The following PLD1 variants were observed in gnomAD, a reference collection of about 807,000 sequenced individuals.
The protein encoded by PLD1 is choline phosphatase 1.
In PLD1, 112 loss-of-function variants were observed where a neutral mutation model predicts 137.1. The observed-to-expected ratio is 0.82, with a 90% CI of 0.70 to 0.96. The LOEUF is 0.96. Ranked by LOEUF, PLD1 falls within the 40% of genes least tolerant of loss-of-function variation. The pLI is 0.00. For synonymous variants in PLD1, 431 were observed against 454.7 expected (o/e 0.95, Z 0.66); for missense variants, 1,321 against 1,342.0 (o/e 0.98, Z 0.24).
intron 1 of PLD1, among the ~76,000 whole-genome samples, chr3:171,760,698 C>T (rs1721332667): frequency 6.6e-6 from 1 of 152,184 alleles, no homozygotes; most frequent in African/African-American, 2.4e-5. Context: ...ACCAAGGGAG[C>T]ACCTGGCAGG....
At chr3:171,688,120 T>G (rs1714762559) in intron 14 of PLD1, among the ~76,000 whole-genome samples, 1 of 152,214 alleles carries the variant, frequency 6.6e-6, no homozygotes, top group Non-Finnish European at 1.5e-5. Context: ...GTATTCATAT[T>G]CTGGCAGCCA....
chr3:171,736,355 A>G (rs1390214432), intron 3 of PLD1, among the ~76,000 whole-genome samples: 4 of 152,226 alleles, frequency 2.6e-5, no homozygotes, highest in Non-Finnish European at 5.9e-5. Flanking sequence ...CACTCATTCA[A>G]GATCACAAGG....
At chr3:171,736,154 C>T (rs1242199540) in intron 3 of PLD1, among the ~76,000 whole-genome samples, 1 of 152,140 alleles carries the variant, frequency 6.6e-6, no homozygotes, top group Non-Finnish European at 1.5e-5. Flanking sequence ...ATACCACCCA[C>T]CCACCCTAAG....
At chr3:171,629,585 AGGC>A (rs1734474852) in intron 23 of PLD1, among the ~76,000 whole-genome samples, 1 of 152,208 alleles carries the variant, frequency 6.6e-6, no homozygotes, top group Non-Finnish European at 1.5e-5. Flanking sequence ...ACAAAGCTGG[AGGC>A]ATCATGCTAC....
chr3:171,739,272 A>G (rs1719601323), intron 1 of PLD1, among the ~76,000 whole-genome samples: 1 of 152,216 alleles, frequency 6.6e-6, no homozygotes, highest in African/African-American at 2.4e-5. Context: ...AGAAAGTCTC[A>G]GGCAAACTTA....
rs535962721 is a variant in PLD1, at chr3:171,773,999, C to A, written c.-31-35917G>T. 1.7e-3 allele frequency among the ~76,000 whole-genome samples: 255 copies of A among 152,286 alleles called. 1 individual carries two copies. Among genetic ancestry groups the A allele is most frequent in the African/African-American group, 5.9e-3 (247 of 41,566 alleles). ...TCCTGACCTCATGATCCGCCCGCCT[C>A]GGCCTCCCAAAGTGCTGGGATTACA... On this transcript the variant is annotated intron_variant, in intron 1 of 26. Transcript: ENST00000351298.
At chr3:171,617,817 A>C (rs907994915) in intron 24 of PLD1, among the ~76,000 whole-genome samples, 1 of 152,174 alleles carries the variant, frequency 6.6e-6, no homozygotes, top group African/African-American at 2.4e-5. Flanking sequence ...TATGTCAGCT[A>C]TTCAATCATT....
rs1165626397 is a variant in PLD1, at chr3:171,688,709, C to G, written c.1506G>C (p.Arg502=). The change falls in exon 14 of 27, where the codon CGG becomes CGC. Residue 502 remains arginine (R), a synonymous_variant. Coordinates refer to ENST00000351298, the MANE Select transcript of PLD1 (RefSeq NM_002662.5). Reference sequence around the variant, plus strand: ...AACCCAGAGACGGTCCTGAAGTGACCCGCTTCACACTGCCCACGTCTGTGA... The same window carrying G: ...AACCCAGAGACGGTCCTGAAGTGACGCGCTTCACACTGCCCACGTCTGTGA... ...HRLTDVGSVK[R]VTSGPSLGSL... is the part of the protein sequence containing the mutation. The G allele has an allele frequency of 6.2e-7, 1 of 1,614,098 alleles. No homozygotes were observed. The highest frequency in any genetic ancestry group is 1.1e-5 in the South Asian group (1 of 91,090).
chr3:171,731,720 C>T (rs1482597033), intron 6 of PLD1, among the ~76,000 whole-genome samples: 1 of 151,542 alleles, frequency 6.6e-6, no homozygotes, highest in African/African-American at 2.4e-5. Context: ...TGCAGTGAGC[C>T]GAGATCATGC....
chr3:171,718,581 G>A (rs1717851347), intron 8 of PLD1, among the ~76,000 whole-genome samples: 1 of 152,152 alleles, frequency 6.6e-6, no homozygotes, highest in South Asian at 2.1e-4. Flanking sequence ...ACAAGATTTT[G>A]CTTTCTTTCT....
At position 171,764,934 on chromosome 3, in the gene PLD1, GA is replaced by G. The variant is rs1560289306; in HGVS notation, c.-31-26853del. On this transcript the variant is annotated intron_variant, in intron 1 of 26. Transcript: ENST00000351298. ...AAGGAAAGAAAGAAAGGAAAGAAAG[GA>G]AAGAAAGAAAGAAAGAAAGAAAGAA... 5.2e-3 allele frequency among the ~76,000 whole-genome samples: 32 copies of G among 6,210 alleles called. 2 individuals carry two copies. Among genetic ancestry groups the G allele is most frequent in the Admixed American group, 0.012 (5 of 414 alleles). 4.1% of individuals were successfully genotyped at this position (6,210 alleles called of 152,430 possible).
At chr3:171,692,552 A>C in intron 12 of PLD1, 110 bp from the exon 13 acceptor site, 2 of 627,278 alleles carry the variant, frequency 3.2e-6, no homozygotes, top group Admixed American at 2.7e-5. Context: ...TCAGAGTCTC[A>C]CTCTGTCACC....
chr3:171,771,058 T>TA (rs1209519672), intron 1 of PLD1: 9 of 152,196 alleles, frequency 5.9e-5, no homozygotes, highest in African/African-American at 1.9e-4. Context: ...CATAACCCCC[T>TA]AAACCTCTGC....
At chr3:171,761,790 A>T (rs2108308517) in intron 1 of PLD1, among the ~76,000 whole-genome samples, 1 of 152,340 alleles carries the variant, frequency 6.6e-6, no homozygotes, top group African/African-American at 2.4e-5. Flanking sequence ...GATGTGGACC[A>T]GTTTTTATGA....
intron 8 of PLD1, among the ~76,000 whole-genome samples, chr3:171,718,674 C>T (rs1717859220): frequency 6.6e-6 from 1 of 152,058 alleles, no homozygotes; most frequent in Non-Finnish European, 1.5e-5. Flanking sequence ...AAGTGCCTGC[C>T]CTGAAGTCAG....
At chr3:171,776,825 G>C (rs1722606679) in intron 1 of PLD1, among the ~76,000 whole-genome samples, 1 of 152,016 alleles carries the variant, frequency 6.6e-6, no homozygotes. Context: ...GCATCATTTT[G>C]TAACTTGGCA....
At position 171,763,998 on chromosome 3, in the gene PLD1, T is replaced by C. The variant is rs185442991; in HGVS notation, c.-31-25916A>G. Among the ~76,000 whole-genome samples, 178 of 152,210 alleles carry C rather than the reference T, an allele frequency of 1.2e-3. No individual in the cohort carries two copies. The Middle Eastern group carries it at 0.014, about 12-fold the overall frequency. ...TTAGTTTTTACCAACCTAGGAGAAA[T>C]GGAAATATAATTTCATACATCATTA... On this transcript the variant is annotated intron_variant, in intron 1 of 26. Coordinates refer to ENST00000351298, the MANE Select transcript of PLD1 (RefSeq NM_002662.5).
chr3:171,660,371 G>A (rs1476030864), intron 20 of PLD1, among the ~76,000 whole-genome samples: 1 of 152,096 alleles, frequency 6.6e-6, no homozygotes, highest in Non-Finnish European at 1.5e-5. Flanking sequence ...TTCTTTTTCT[G>A]AATTCATATT....
chr3:171,668,559 TCTC>T (rs560520702), intron 19 of PLD1, among the ~76,000 whole-genome samples: 509 of 152,294 alleles, frequency 3.3e-3, no homozygotes, highest in African/African-American at 0.011. Context: ...TCTCTCCCTC[TCTC>T]CTTTTTCCCT....
Sources: gnomAD v4.1 joint callset for allele counts (sites outside exome capture counted in the v4.1 genomes callset) on GRCh38, gnomAD v4.1.1 for gene constraint, MANE v1.5 for transcripts, NCBI Gene and HGNC (gene_info 2026-07-23, HGNC 2026-07-21) for gene names.